Variants in PTPRA observed in about 807,000 individuals in gnomAD.
The protein encoded by PTPRA is protein tyrosine phosphatase receptor type A.
A neutral mutation model predicts 104.8 loss-of-function variants in PTPRA; 25 were observed. That is an observed-to-expected ratio of 0.24 (90% CI 0.17 to 0.33). PTPRA has a LOEUF of 0.33. PTPRA is among the 10% of genes least tolerant of loss of function. PTPRA has a pLI of 1.00. For synonymous variants in PTPRA, 323 were observed against 368.9 expected, an observed-to-expected ratio of 0.88 and a Z score of 1.43; for missense variants, 765 against 1,015.3, an observed-to-expected ratio of 0.75 and a Z score of 3.35.
chr20:2,878,063 A>G (rs895412909), intron 1 of PTPRA, among the ~76,000 whole-genome samples: 1 of 152,288 alleles, frequency 6.6e-6, no homozygotes, highest in East Asian at 1.9e-4. Context: ...AGGCATGAGA[A>G]TCACTTGAAC....
At chr20:2,913,361 G>T (rs1242095170) in intron 1 of PTPRA, among the ~76,000 whole-genome samples, 1 of 152,186 alleles carries the variant, frequency 6.6e-6, no homozygotes, top group Non-Finnish European at 1.5e-5. Context: ...CTGGGTGACA[G>T]AGTGAGACCC....
rs78325330 is a variant in PTPRA at position 2,918,905 on chromosome 20, A to G, written c.-128-4302A>G. 7.2e-5 allele frequency among the ~76,000 whole-genome samples: 11 copies of G among 152,286 alleles called. No individual in the cohort carries two copies. In the East Asian group the frequency reaches 2.1e-3, roughly 29 times the overall value. Reference sequence around the variant, plus strand: ...TATTTATTAATAACTACTCTGTACCATAGTTTCTTCATTGGTAGTATCTTC... The same window carrying G: ...TATTTATTAATAACTACTCTGTACCGTAGTTTCTTCATTGGTAGTATCTTC... On this transcript the variant is annotated intron_variant, in intron 1 of 23. Transcript: ENST00000399903.
At chr20:2,908,112 T>G (rs958649539) in intron 1 of PTPRA, among the ~76,000 whole-genome samples, 5 of 152,162 alleles carry the variant, frequency 3.3e-5, no homozygotes, top group African/African-American at 1.2e-4. Flanking sequence ...CTTCCCTCCT[T>G]TACAAACTTT....
intron 2 of PTPRA, among the ~76,000 whole-genome samples, chr20:2,937,632 T>C (rs546959954): frequency 2.6e-5 from 4 of 152,278 alleles, no homozygotes; most frequent in South Asian, 2.1e-4. Context: ...TATGCATATA[T>C]AGACACACAC....
At position 2,892,624 on chromosome 20, in the gene PTPRA, G is replaced by A. The variant is rs751388142; in HGVS notation, c.-129+18864G>A. 1.5e-3 allele frequency among the ~76,000 whole-genome samples: 229 copies of A among 152,154 alleles called. 3 individuals are homozygous for A. Among genetic ancestry groups the A allele is most frequent in the Non-Finnish European group, 3.2e-4 (22 of 68,030 alleles). ...TGTTGCCAGGTGATTCTGCTCAACT[G>A]TATGCTAATGTGAGTGTTCTGAACA... is the stretch of plus-strand genomic sequence containing the variant. On this transcript the variant is annotated intron_variant, in intron 1 of 23. Coordinates refer to ENST00000399903, the MANE Select transcript of PTPRA (RefSeq NM_001385305.1).
chr20:3,022,296 G>T lies in PTPRA; in HGVS notation c.1328+76G>T. ...GCCAGAGCAGGGGAACAGCACAAGG[G>T]CCCTGGCTGAGGAGGCTGGCACAGA... On this transcript the variant is annotated intron_variant, in intron 15 of 23. Transcript: ENST00000399903. This position sits in a 1 kb window ranked among gnomAD's most constrained non-coding sequence, Gnocchi z 4.6. 1 of 1,541,704 alleles carries T rather than the reference G, an allele frequency of 6.5e-7. No individual in the cohort carries two copies. The highest frequency in any genetic ancestry group is 1.8e-5 in the Admixed American group (1 of 55,394).
chr20:2,866,385 C>T, the PTPRA span: 1 of 1,613,988 alleles, frequency 6.2e-7, no homozygotes, highest in Non-Finnish European at 8.5e-7. Flanking sequence ...GGGTTTGTGC[C>T]CTTGAGCAGC....
At position 2,975,246 on chromosome 20, in the gene PTPRA, G is replaced by T; in HGVS notation, c.442+5G>T. 1 of 1,593,646 alleles carries T rather than the reference G, an allele frequency of 6.3e-7. No individual in the cohort carries two copies. Among genetic ancestry groups the T allele is most frequent in the Non-Finnish European group, 8.6e-7 (1 of 1,163,412 alleles). On this transcript the variant is annotated splice_donor_5th_base_variant and intron_variant, in intron 6 of 23. Coordinates refer to ENST00000399903, the MANE Select transcript of PTPRA (RefSeq NM_001385305.1). ...CTGACTCGAAGGACAGAAGAGGTGAGCTGCTCACCTTATATCTGTTGTTCC... is the reference window on the plus strand; with the variant it reads ...CTGACTCGAAGGACAGAAGAGGTGATCTGCTCACCTTATATCTGTTGTTCC...
chr20:3,002,611 G>GC (rs1450845859), intron 9 of PTPRA, among the ~76,000 whole-genome samples: 3 of 152,168 alleles, frequency 2.0e-5, no homozygotes, highest in Admixed American at 6.5e-5. Flanking sequence ...ACAGGCGTGA[G>GC]CCACCGCGCC....
rs533930881 is a variant in PTPRA, at chr20:3,021,756, C to G, written c.1162-298C>G. ...TTCCTACTCCAAAGACTCCTGACATCAAGGATGTGATGGGCCTGCCCCTGG... is the reference window on the plus strand; with the variant it reads ...TTCCTACTCCAAAGACTCCTGACATGAAGGATGTGATGGGCCTGCCCCTGG... On this transcript the variant is annotated intron_variant, in intron 14 of 23. Transcript: ENST00000399903. Among the ~76,000 whole-genome samples, 176 of 152,326 alleles carry G rather than the reference C, an allele frequency of 1.2e-3. 1 individual carries two copies. The highest frequency in any genetic ancestry group is 1.8e-3 in the Non-Finnish European group (122 of 68,026).
In PTPRA at chr20:3,037,992, G is replaced by A; in HGVS notation, c.2335-67G>A. The A allele has an allele frequency of 1.5e-6, 2 of 1,340,806 alleles. No homozygotes were observed. Among genetic ancestry groups the A allele is most frequent in the South Asian group, 1.2e-5 (1 of 80,682 alleles). The allele number at this position is 1,340,806 out of a possible 1,614,324, so 83.1% of individuals were successfully genotyped here. On this transcript the variant is annotated intron_variant, in intron 23 of 23. Transcript: ENST00000399903. The surrounding 1 kb of genome is among the most constrained non-coding windows in gnomAD (Gnocchi z 4.3). ...CCATCTTCAACAAAAAAATGAGTCT[G>A]TTAGGAATTACAGGTACTGTGTGTT...
chr20:2,948,711 G>GCCAGGCTGGTCCAC (rs2061234456), intron 3 of PTPRA, among the ~76,000 whole-genome samples: 38 of 151,934 alleles, frequency 2.5e-4, no homozygotes, highest in Middle Eastern at 3.5e-3. Context: ...CAGCACTTTG[G>GCCAGGCTGGTCCAC]GAGGCCAAGG....
intron 1 of PTPRA, among the ~76,000 whole-genome samples, chr20:2,884,919 C>T (rs2090295091): frequency 1.3e-5 from 2 of 151,496 alleles, no homozygotes; most frequent in African/African-American, 4.9e-5. Context: ...ATGCCATTCT[C>T]CTGCCTCAGC....
chr20:2,988,437 T>C lies in PTPRA; in HGVS notation c.701T>C (p.Met234Thr). ...CTGGAAGAGGAAATTAACCGGAGAATGGCAGACGACAATAAGCTCTTCAGG... is the reference window on the plus strand; with the variant it reads ...CTGGAAGAGGAAATTAACCGGAGAACGGCAGACGACAATAAGCTCTTCAGG... ...DKLEEEINRR[M>T]ADDNKLFREE... is the part of the protein sequence containing the mutation. Residue 234 changes from methionine (M) to threonine (T), a missense_variant, in exon 9 of 24, where the codon ATG becomes ACG. Coordinates refer to ENST00000399903, the MANE Select transcript of PTPRA (RefSeq NM_001385305.1). The C allele has an allele frequency of 1.2e-6, 2 of 1,613,056 alleles. No homozygotes were observed. The highest frequency in any genetic ancestry group is 1.7e-6 in the Non-Finnish European group (2 of 1,179,824).
intron 20 of PTPRA, among the ~76,000 whole-genome samples, chr20:3,029,449 A>T (rs1394489129): frequency 2.0e-5 from 3 of 150,964 alleles, no homozygotes; most frequent in Non-Finnish European, 4.4e-5. Context: ...CATTTTTTTC[A>T]ATTTTGATCA....
At chr20:2,883,317 A>G (rs1386191895) in intron 1 of PTPRA, among the ~76,000 whole-genome samples, 1 of 152,198 alleles carries the variant, frequency 6.6e-6, no homozygotes, top group Non-Finnish European at 1.5e-5. Context: ...TAAAAGTATT[A>G]TTTAAATAGT....
In PTPRA at chr20:3,033,921, T is replaced by C. The variant is rs1248417802; in HGVS notation, c.1921-1664T>C. ...ATCTCAAAAAAAAAAAAAAAAAAAA[T>C]CCTCTTTGGTCTTCCAGAGATCTTG... is the stretch of plus-strand genomic sequence containing the variant. On this transcript the variant is annotated intron_variant, in intron 20 of 23. Coordinates refer to ENST00000399903, the MANE Select transcript of PTPRA (RefSeq NM_001385305.1). 3.4e-5 allele frequency among the ~76,000 whole-genome samples: 4 copies of C among 119,226 alleles called. No homozygotes were observed. In the East Asian group the frequency reaches 7.9e-4, roughly 23 times the overall value. 78.2% of individuals were successfully genotyped at this position (119,226 alleles called of 152,430 possible).
chr20:2,913,874 C>T (rs914012179), intron 1 of PTPRA, among the ~76,000 whole-genome samples: 1 of 152,162 alleles, frequency 6.6e-6, no homozygotes, highest in Non-Finnish European at 1.5e-5. Flanking sequence ...CTTTCACCTT[C>T]TAGTTTTAGC....
chr20:3,016,278 C>A (rs1031757328), intron 12 of PTPRA, among the ~76,000 whole-genome samples: 2 of 152,184 alleles, frequency 1.3e-5, no homozygotes, highest in African/African-American at 4.8e-5. Context: ...GGTTCTCCCC[C>A]AGCTCATGGG....
Sources: allele counts gnomAD v4.1 joint callset (sites outside exome capture counted in the v4.1 genomes callset), GRCh38; gene constraint gnomAD v4.1.1; non-coding constraint Gnocchi (gnomAD v3.1); transcripts MANE v1.5; gene names NCBI Gene and HGNC (gene_info 2026-07-23, HGNC 2026-07-21).